LIN52: variants seen among roughly 807,000 people sequenced by gnomAD.
LIN52 encodes protein lin-52 homolog.
A neutral mutation model predicts 18.5 loss-of-function variants in LIN52; 4 were observed. That is an observed-to-expected ratio of 0.22 (90% CI 0.11 to 0.49). The LOEUF (loss-of-function observed/expected upper bound fraction) is 0.49, where lower values mean the gene tolerates loss of function less well. Ranked by LOEUF, LIN52 falls within the 20% of genes least tolerant of loss-of-function variation. LIN52 has a pLI of 0.97. For synonymous variants in LIN52, 34 were observed against 45.5 expected (o/e 0.75, Z 1.02); for missense variants, 102 against 139.5 (o/e 0.73, Z 1.35).
intron 5 of LIN52, among the ~76,000 whole-genome samples, chr14:74,198,107 C>T (rs2078926400): frequency 1.3e-5 from 2 of 152,168 alleles, no homozygotes; most frequent in East Asian, 3.9e-4. Flanking sequence ...CATGGCCTTG[C>T]AGGATGAGGA....
chr14:74,147,309 T>C (rs1229579339), intron 5 of LIN52, among the ~76,000 whole-genome samples: 1 of 152,110 alleles, frequency 6.6e-6, no homozygotes, highest in Non-Finnish European at 1.5e-5. Context: ...AATTGGACCC[T>C]CTACCTCATA....
At chr14:74,154,848 T>G (rs1019107769) in intron 5 of LIN52, among the ~76,000 whole-genome samples, 1 of 152,168 alleles carries the variant, frequency 6.6e-6, no homozygotes, top group Admixed American at 6.5e-5. Flanking sequence ...TCCGGCCTGG[T>G]GTTGGTTTTA....
chr14:74,091,362 T>C, intron 2 of LIN52, 56 bp downstream of exon 2: 1 of 1,186,338 alleles, frequency 8.4e-7, no homozygotes, highest in Non-Finnish European at 1.2e-6. Flanking sequence ...ATGTTCCTTT[T>C]TAAAGAGATT....
intron 5 of LIN52, among the ~76,000 whole-genome samples, chr14:74,132,004 A>G (rs1239783815): frequency 1.3e-5 from 2 of 152,240 alleles, no homozygotes; most frequent in Non-Finnish European, 2.9e-5. Flanking sequence ...AAAGCTCATT[A>G]GTGACAGAAC....
chr14:74,132,500 A>AT (rs1459824099), intron 5 of LIN52, among the ~76,000 whole-genome samples: 2 of 151,846 alleles, frequency 1.3e-5, no homozygotes, highest in Non-Finnish European at 2.9e-5. Flanking sequence ...TATGACCTAA[A>AT]TTTTTTTTGT....
chr14:74,165,087 A>C (rs1285065661), intron 5 of LIN52, among the ~76,000 whole-genome samples: 1 of 150,588 alleles, frequency 6.6e-6, no homozygotes, highest in Non-Finnish European at 1.5e-5. Context: ...CAGGGAAAAC[A>C]AAAAAAAATG....
intron 5 of LIN52, among the ~76,000 whole-genome samples, chr14:74,175,071 G>T (rs1258496351): frequency 7.3e-6 from 1 of 136,064 alleles, no homozygotes; most frequent in Admixed American, 7.6e-5. Context: ...TACTTACCAT[G>T]AGTGGAACTT....
chr14:74,187,638 G>T (rs927543317), intron 5 of LIN52, among the ~76,000 whole-genome samples: 1 of 152,058 alleles, frequency 6.6e-6, no homozygotes, highest in Non-Finnish European at 1.5e-5. Flanking sequence ...TTCAAATTAT[G>T]TGCCTTCTAA....
intron 5 of LIN52, among the ~76,000 whole-genome samples, chr14:74,120,967 C>G (rs1349967480): frequency 6.6e-6 from 1 of 152,058 alleles, no homozygotes; most frequent in Admixed American, 6.6e-5. Context: ...GTTTCAGCTA[C>G]TCTGGATGCT....
chr14:74,159,728 C>T (rs1009133571), intron 5 of LIN52, among the ~76,000 whole-genome samples: 1 of 152,072 alleles, frequency 6.6e-6, no homozygotes, highest in Non-Finnish European at 1.5e-5. Context: ...TGTGCCTCCA[C>T]GCCCAGTTAA....
chr14:74,112,576 G>A (rs1484830644), intron 5 of LIN52, among the ~76,000 whole-genome samples: 1 of 152,150 alleles, frequency 6.6e-6, no homozygotes, highest in Non-Finnish European at 1.5e-5. Flanking sequence ...TGTGGTATCA[G>A]GCAATGCTCT....
chr14:74,119,308 C>A (rs1483355932), intron 5 of LIN52, among the ~76,000 whole-genome samples: 3 of 119,718 alleles, frequency 2.5e-5, no homozygotes, highest in Non-Finnish European at 6.0e-5. Context: ...ACTACAGGCG[C>A]CCCCCCACCA....
intron 5 of LIN52, among the ~76,000 whole-genome samples, chr14:74,162,572 AT>A (rs1281738270): frequency 1.3e-5 from 2 of 151,838 alleles, no homozygotes; most frequent in East Asian, 3.9e-4. Flanking sequence ...TGAAAAAAAA[AT>A]ATTAGAGATG....
rs184867959 is a variant in LIN52 at position 74,107,682 on chromosome 14, T to C, written c.283+6444T>C. ...TCAGCCCATAGCCCATAGATTTTTT[T>C]CCCCATCTCTGAAGACCACAGACCA... On this transcript the variant is annotated intron_variant, in intron 5 of 5. Coordinates refer to ENST00000555028, the MANE Select transcript of LIN52 (RefSeq NM_001024674.3). 3.3e-4 allele frequency among the ~76,000 whole-genome samples: 50 copies of C among 152,248 alleles called. No homozygotes were observed. The East Asian group carries it at 9.5e-3, about 29-fold the overall frequency.
At chr14:74,189,796 A>G (rs2061355701) in intron 5 of LIN52, among the ~76,000 whole-genome samples, 1 of 151,968 alleles carries the variant, frequency 6.6e-6, no homozygotes, top group African/African-American at 2.4e-5. Flanking sequence ...TTGGTTGGAT[A>G]TTTCTGTCCT....
intron 5 of LIN52, among the ~76,000 whole-genome samples, chr14:74,136,163 T>C (rs1468641035): frequency 6.6e-6 from 1 of 152,244 alleles, no homozygotes; most frequent in African/African-American, 2.4e-5. Flanking sequence ...GTGCTAGTGC[T>C]GTAACTCCTT....
At chr14:74,133,717 G>T (rs1409956862) in intron 5 of LIN52, among the ~76,000 whole-genome samples, 1 of 152,212 alleles carries the variant, frequency 6.6e-6, no homozygotes, top group Non-Finnish European at 1.5e-5. Flanking sequence ...TTCACCCATT[G>T]TAGCTCCACT....
chr14:74,134,377 G>T (rs1166501489), intron 5 of LIN52, among the ~76,000 whole-genome samples: 2 of 152,148 alleles, frequency 1.3e-5, no homozygotes, highest in Non-Finnish European at 2.9e-5. Context: ...AGGAGATTAG[G>T]TAGGAATGGT....
intron 5 of LIN52, among the ~76,000 whole-genome samples, chr14:74,105,112 T>A (rs2060888625): frequency 6.6e-6 from 1 of 152,216 alleles, no homozygotes; most frequent in African/African-American, 2.4e-5. Flanking sequence ...ATGAGTTTGT[T>A]CCCTAAGCAT....
Sources: allele counts gnomAD v4.1 joint callset (sites outside exome capture counted in the v4.1 genomes callset), GRCh38; gene constraint gnomAD v4.1.1; transcripts MANE v1.5; gene names NCBI Gene and HGNC (gene_info 2026-07-23, HGNC 2026-07-21).